The following AOX1 variants were observed in gnomAD, a reference collection of about 807,000 sequenced individuals.
The protein encoded by AOX1 is aldehyde oxidase.
In AOX1, 153 loss-of-function variants were observed where a neutral mutation model predicts 169.5. The observed-to-expected ratio is 0.90, with a 90% CI of 0.79 to 1.03. The LOEUF is 1.03. Ranked by LOEUF, AOX1 falls within the 50% of genes least tolerant of loss-of-function variation. The pLI, the probability that AOX1 is intolerant of heterozygous loss-of-function variation, is 0.00. For synonymous variants in AOX1, 562 were observed against 581.9 expected (o/e 0.97, Z 0.49); for missense variants, 1,656 against 1,663.9 (o/e 1.00, Z 0.08).
downstream of AOX1, among the ~76,000 whole-genome samples, chr2:200,677,862 C>G (rs1025748125): frequency 2.0e-5 from 3 of 152,174 alleles, no homozygotes; most frequent in Non-Finnish European, 4.4e-5. Context: ...ACCGAGCATA[C>G]CCGCCCTGCA....
At chr2:200,650,917 A>T (rs1304401385) in intron 25 of AOX1, 57 bp from the exon 26 acceptor site, 9 of 1,513,144 alleles carry the variant, frequency 5.9e-6, no homozygotes, top group Admixed American at 3.4e-5. Context: ...TGGTGAATGG[A>T]TGAGCCTATG....
chr2:200,613,921 C>T lies in AOX1; in HGVS notation c.1566C>T (p.Phe522=). The change falls in exon 15 of 35, where the codon TTC becomes TTT. Residue 522 remains phenylalanine, a synonymous_variant. Transcript: ENST00000374700. ...TCAAGAGGACTCTCATCATCAGCTTCCTCTTCAAGTTCTACCTGGAAGTGT... is the reference window on the plus strand; with the variant it reads ...TCAAGAGGACTCTCATCATCAGCTTTCTCTTCAAGTTCTACCTGGAAGTGT... ...VEFKRTLIIS[F]LFKFYLEVSQ... 1 of 1,612,560 alleles carries T rather than the reference C, an allele frequency of 6.2e-7. No individual in the cohort carries two copies.
At chr2:200,673,016 C>T (rs938233468), downstream of AOX1, among the ~76,000 whole-genome samples, 10 of 152,180 alleles carry the variant, frequency 6.6e-5, no homozygotes, top group African/African-American at 2.2e-4. Context: ...TAAGTGGCTG[C>T]AGAGCAGAAA....
At chr2:200,620,132 A>C (rs1205101701) in intron 16 of AOX1, among the ~76,000 whole-genome samples, 4 of 151,598 alleles carry the variant, frequency 2.6e-5, no homozygotes, top group Non-Finnish European at 1.5e-5. Context: ...AACATCATGG[A>C]TTGACATACC....
At chr2:200,676,965 T>C (rs534237841) in exon 5 of AOX1, 1 of 470,126 alleles carries the variant, frequency 2.1e-6, no homozygotes, top group East Asian at 7.0e-5. Context: ...GGTGGCATAA[T>C]GTCACATTCC....
chr2:200,610,499 G>A (rs187001397), intron 12 of AOX1, among the ~76,000 whole-genome samples: 2 of 152,250 alleles, frequency 1.3e-5, no homozygotes, highest in African/African-American at 4.8e-5. Flanking sequence ...TTAGCTTTCA[G>A]TATTTTGTTA....
rs536727220 is a variant in AOX1 at position 200,608,099 on chromosome 2, C to G, written c.908-885C>G. On this transcript the variant is annotated intron_variant, in intron 10 of 34. Transcript: ENST00000374700. ...TGTATACCTATGTAACAAACCTGCA[C>G]ATTCTGTACATGTATCCTAGAACTT... Among the ~76,000 whole-genome samples the G allele has an allele frequency of 2.0e-5, 3 of 152,094 alleles. No homozygotes were observed. The South Asian group carries it at 6.2e-4, about 32-fold the overall frequency.
At chr2:200,604,487 C>T (rs1169077816) in intron 8 of AOX1, among the ~76,000 whole-genome samples, 1 of 152,202 alleles carries the variant, frequency 6.6e-6, no homozygotes, top group Non-Finnish European at 1.5e-5. Flanking sequence ...CAAAGGGAGA[C>T]AGACCAAGCA....
chr2:200,656,313 T>A (rs2035682392), intron 26 of AOX1, among the ~76,000 whole-genome samples: 1 of 151,976 alleles, frequency 6.6e-6, no homozygotes, highest in Non-Finnish European at 1.5e-5. Context: ...TTGTTAATTA[T>A]AAAAACATGT....
chr2:200,657,190 A>ATATATATTT lies in AOX1; in HGVS notation c.3171+254_3171+255insATATATTTT. ...AATATATATATATATATATATATAT[A>ATATATATTT]TTTTTTTTTTTTTTTAATTAGCAGG... On this transcript the variant is annotated intron_variant, in intron 27 of 34. Transcript: ENST00000374700. 2.1e-4 allele frequency among the ~76,000 whole-genome samples: 13 copies of ATATATATTT among 62,880 alleles called. No individual in the cohort carries two copies. In the East Asian group the frequency reaches 2.7e-3, roughly 13 times the overall value. The allele number at this position is 62,880 out of a possible 152,430, so 41.3% of individuals were successfully genotyped here.
At chr2:200,677,220 G>A (rs1481806960), downstream of AOX1, among the ~76,000 whole-genome samples, 1 of 152,080 alleles carries the variant, frequency 6.6e-6, no homozygotes, top group Non-Finnish European at 1.5e-5. Flanking sequence ...AGGAGAGAAG[G>A]AGGGAGGGAG....
chr2:200,660,417 T>G (rs759694378), intron 29 of AOX1, among the ~76,000 whole-genome samples: 10 of 152,200 alleles, frequency 6.6e-5, no homozygotes, highest in Non-Finnish European at 1.3e-4. Flanking sequence ...GTTCTGCTGT[T>G]CCTAAAATAG....
chr2:200,594,658 T>TA (rs1250460305), intron 2 of AOX1, among the ~76,000 whole-genome samples: 2 of 152,134 alleles, frequency 1.3e-5, no homozygotes, highest in African/African-American at 4.8e-5. Flanking sequence ...ACACAACACT[T>TA]ATAATTACAT....
chr2:200,651,083 A>G lies in AOX1; in HGVS notation c.2957A>G (p.Tyr986Cys). Residue 986 changes from tyrosine (Y) to cysteine (C), a missense_variant, in exon 26 of 35, where the codon TAC (tyrosine) becomes TGC (cysteine). Coordinates refer to ENST00000374700, the MANE Select transcript of AOX1 (RefSeq NM_001159.4). ...AGAGAATGTATGGCCATGTCTTCCT[A>G]CTCCTTGAGGAAAGTTGCTGTGGAA... ...CWRECMAMSS[Y>C]SLRKVAVEKF... 1 of 1,614,088 alleles carries G rather than the reference A, an allele frequency of 6.2e-7. No individual in the cohort carries two copies. Among genetic ancestry groups the G allele is most frequent in the Non-Finnish European group, 8.5e-7 (1 of 1,179,972 alleles).
At chr2:200,681,595 A>T (rs186330256), downstream of AOX1, 2 of 152,498 alleles carry the variant, frequency 1.3e-5, no homozygotes, top group Admixed American at 1.3e-4. Context: ...GCTCAAAAAA[A>T]TTTATTGATT....
intron 2 of AOX1, 28 bp downstream of exon 2, chr2:200,593,231 A>G (rs1019265730): frequency 6.4e-7 from 1 of 1,570,726 alleles, no homozygotes. Flanking sequence ...TTGACTGTGT[A>G]TGTGTGTGTG....
intron 29 of AOX1, among the ~76,000 whole-genome samples, chr2:200,661,218 A>C (rs1255438533): frequency 6.6e-6 from 1 of 152,248 alleles, no homozygotes; most frequent in Non-Finnish European, 1.5e-5. Flanking sequence ...AGACTAGCAG[A>C]AACCTGATAT....
chr2:200,603,901 T>C, intron 7 of AOX1, 116 bp from the exon 8 acceptor site: 1 of 692,612 alleles, frequency 1.4e-6, no homozygotes, highest in Non-Finnish European at 2.5e-6. Flanking sequence ...GGCTGGCCAG[T>C]GGACTTTTTT....
At chr2:200,676,615 AAGAAG>A (rs2036103522) in intron 4 of AOX1, among the ~76,000 whole-genome samples, 1 of 140,134 alleles carries the variant, frequency 7.1e-6, no homozygotes, top group African/African-American at 2.9e-5. Context: ...AAAAAAAAAA[AAGAAG>A]AAGAAGAAGA....
Sources: allele counts gnomAD v4.1 joint callset (sites outside exome capture counted in the v4.1 genomes callset), GRCh38; gene constraint gnomAD v4.1.1; transcripts MANE v1.5; gene names NCBI Gene and HGNC (gene_info 2026-07-23, HGNC 2026-07-21).